Variants in EPHA3 observed in about 807,000 individuals in gnomAD.
The protein encoded by EPHA3 is EPH receptor A3.
EPHA3 carries 42 observed loss-of-function variants against 107.1 expected under a neutral mutation model. The ratio of observed to expected loss-of-function variants is 0.39; its 90% CI spans 0.31 to 0.51. The LOEUF is 0.51. EPHA3 is among the 20% of genes least tolerant of loss of function. The pLI is 0.78. For missense variants in EPHA3, 1,183 were observed against 1,211.2 expected (o/e 0.98, Z 0.35); for synonymous variants, 461 against 424.8 (o/e 1.09, Z -1.05).
intron 3 of EPHA3, among the ~76,000 whole-genome samples, chr3:89,331,556 A>G (rs1444183018): frequency 6.6e-6 from 1 of 152,190 alleles, no homozygotes; most frequent in African/African-American, 2.4e-5. Context: ...AACTTTGTGT[A>G]GATGAACATA....
chr3:89,467,251 T>TA (rs1286457106), intron 15 of EPHA3, among the ~76,000 whole-genome samples: 7 of 152,202 alleles, frequency 4.6e-5, no homozygotes, highest in African/African-American at 1.4e-4. Flanking sequence ...AATATATTAC[T>TA]ATTCTCAAAC....
At chr3:89,473,338 A>C (rs1369975791) in intron 16 of EPHA3, among the ~76,000 whole-genome samples, 1 of 152,218 alleles carries the variant, frequency 6.6e-6, no homozygotes, top group Non-Finnish European at 1.5e-5. Flanking sequence ...TCTTTGGGTA[A>C]CAGGAATCTT....
At position 89,210,198 on chromosome 3, in the gene EPHA3, C is replaced by T. The variant is rs1294668991; in HGVS notation, c.492C>T (p.Leu164=). The change falls in exon 3 of 17, where the codon CTC becomes CTT. Residue 164 remains leucine, a synonymous_variant. Transcript: ENST00000336596. ...ATCTTGGGGACCGTATTCTGAAGCT[C>T]AACACTGAGATTAGAGAAGTAGGTC... ...QMDLGDRILK[L]NTEIREVGPV... is the part of the protein sequence containing the mutation. The T allele has an allele frequency of 1.2e-6, 2 of 1,613,798 alleles. No individual in the cohort carries two copies. The highest frequency in any genetic ancestry group is 1.7e-6 in the Non-Finnish European group (2 of 1,179,928).
rs144807058 is a variant in EPHA3, at chr3:89,342,858, TACACACACAC to T, written c.1306+796_1306+805del. On this transcript the variant is annotated intron_variant, in intron 5 of 16. Transcript: ENST00000336596. ...GATATTATTGTCTTATTTTTACACATACACACACACACACACACACACACACACACACACA... is the reference window on the plus strand; with the variant it reads ...GATATTATTGTCTTATTTTTACACATACACACACACACACACACACACACA... Among the ~76,000 whole-genome samples the T allele has an allele frequency of 8.6e-5, 12 of 139,314 alleles. 1 individual carries two copies. Among genetic ancestry groups the T allele is most frequent in the African/African-American group, 2.6e-4 (10 of 38,256 alleles). The allele number at this position is 139,314 out of a possible 152,430, so 91.4% of individuals were successfully genotyped here.
At chr3:89,449,455 G>A (rs2107553929) in intron 14 of EPHA3, 81 bp downstream of exon 14, 3 of 1,313,224 alleles carry the variant, frequency 2.3e-6, no homozygotes, top group Non-Finnish European at 3.0e-6. Flanking sequence ...ATGTAACTGG[G>A]TGGCTCCTGG....
chr3:89,140,254 C>T (rs1172404452), intron 2 of EPHA3, among the ~76,000 whole-genome samples: 3 of 151,762 alleles, frequency 2.0e-5, no homozygotes, highest in Admixed American at 6.6e-5. Context: ...AAATAAATAT[C>T]ACATAGTTTC....
intron 2 of EPHA3, among the ~76,000 whole-genome samples, chr3:89,200,540 T>A (rs1466689961): frequency 6.6e-6 from 1 of 152,164 alleles, no homozygotes; most frequent in African/African-American, 2.4e-5. Flanking sequence ...TTGTACCAAC[T>A]CCCAGTCCAG....
At chr3:89,367,197 T>G (rs1708201746) in intron 5 of EPHA3, among the ~76,000 whole-genome samples, 1 of 150,920 alleles carries the variant, frequency 6.6e-6, no homozygotes, top group South Asian at 2.1e-4. Context: ...GAATACATTT[T>G]CTTGTAAACT....
intron 3 of EPHA3, among the ~76,000 whole-genome samples, chr3:89,219,686 A>ATGTGTTT (rs746458955): frequency 2.6e-5 from 1 of 38,812 alleles, no homozygotes; most frequent in Non-Finnish European, 6.3e-5. Flanking sequence ...GCATTTGGCA[A>ATGTGTTT]TGTTTTTTTT....
chr3:89,283,204 G>GA (rs1271462130), intron 3 of EPHA3, among the ~76,000 whole-genome samples: 33 of 152,078 alleles, frequency 2.2e-4, no homozygotes, highest in Non-Finnish European at 4.4e-5. Flanking sequence ...ACAGCAAAGT[G>GA]AAAAAAGTTT....
At chr3:89,235,449 G>A (rs954064660) in intron 3 of EPHA3, among the ~76,000 whole-genome samples, 4 of 151,884 alleles carry the variant, frequency 2.6e-5, no homozygotes, top group South Asian at 2.1e-4. Context: ...GTATAGCGTC[G>A]TAATAAATCT....
intron 3 of EPHA3, among the ~76,000 whole-genome samples, chr3:89,297,242 CTTCTGTGGGCT>C (rs1320387063): frequency 1.3e-5 from 2 of 152,140 alleles, no homozygotes; most frequent in Non-Finnish European, 2.9e-5. Flanking sequence ...TATCTTTTAG[CTTCTGTGGGCT>C]TTTACACTCT....
intron 3 of EPHA3, among the ~76,000 whole-genome samples, chr3:89,271,280 A>T (rs1435965769): frequency 1.3e-5 from 2 of 152,114 alleles, no homozygotes; most frequent in African/African-American, 4.8e-5. Context: ...AAGAAAACAA[A>T]GCTTAGCTAG....
In EPHA3 at chr3:89,452,513, T is replaced by A. The variant is rs527354254; in HGVS notation, c.2690+2143T>A. On this transcript the variant is annotated intron_variant, in intron 15 of 16. Transcript: ENST00000336596. Reference sequence around the variant, plus strand: ...TGTCTTCCTCAGAAAAAAATGTCTATTCAGGTCCTTTGCCCATTTTTAATA... The same window carrying A: ...TGTCTTCCTCAGAAAAAAATGTCTAATCAGGTCCTTTGCCCATTTTTAATA... Among the ~76,000 whole-genome samples, 15 of 152,314 alleles carry A rather than the reference T, an allele frequency of 9.8e-5. No individual in the cohort carries two copies. The South Asian group carries it at 2.9e-3, about 29-fold the overall frequency.
At chr3:89,388,615 A>G (rs1205934502) in intron 5 of EPHA3, among the ~76,000 whole-genome samples, 1 of 152,206 alleles carries the variant, frequency 6.6e-6, no homozygotes, top group Non-Finnish European at 1.5e-5. Context: ...TTAGAATTTT[A>G]GCTTTGTATG....
intron 3 of EPHA3, among the ~76,000 whole-genome samples, chr3:89,215,455 A>T (rs6790662): frequency 0.94 from 142,828 of 151,878 alleles, 67,218 homozygotes; most frequent in Admixed American, 0.96. Flanking sequence ...TGGATTTGCA[A>T]GTTTAGGAAA....
At chr3:89,430,864 G>A (rs1260573433) in intron 12 of EPHA3, among the ~76,000 whole-genome samples, 4 of 152,118 alleles carry the variant, frequency 2.6e-5, no homozygotes, top group Admixed American at 2.6e-4. Flanking sequence ...GTCTGAGCAG[G>A]AGTTAGTTTT....
intron 5 of EPHA3, among the ~76,000 whole-genome samples, chr3:89,393,730 G>C (rs1708790399): frequency 1.3e-5 from 2 of 152,068 alleles, no homozygotes; most frequent in Admixed American, 1.3e-4. Context: ...TTTTTTATTA[G>C]TGATTGGATA....
At chr3:89,430,588 T>G (rs1045230694) in intron 12 of EPHA3, among the ~76,000 whole-genome samples, 1 of 152,168 alleles carries the variant, frequency 6.6e-6, no homozygotes, top group Non-Finnish European at 1.5e-5. Context: ...GGAAGCTGGA[T>G]TATGTGATTT....
Sources: gnomAD v4.1 joint callset for allele counts (sites outside exome capture counted in the v4.1 genomes callset) on GRCh38, gnomAD v4.1.1 for gene constraint, MANE v1.5 for transcripts, NCBI Gene and HGNC (gene_info 2026-07-23, HGNC 2026-07-21) for gene names.